Variants in UMAD1 observed in about 807,000 individuals in gnomAD.
UMAD1 encodes UBAP1-MVB12-associated (UMA) domain containing 1, also known as UBAP1-MVB12-associated (UMA)-domain containing protein 1.
A neutral mutation model predicts 6.1 loss-of-function variants in UMAD1; 8 were observed. That is an observed-to-expected ratio of 1.30 (90% CI 0.76 to 2.35). UMAD1 has a LOEUF of 2.35. Among genes scored for constraint, UMAD1 ranks in the 30% most tolerant of loss-of-function variants. The pLI, the probability that UMAD1 is intolerant of heterozygous loss-of-function variation, is 0.00. For missense variants in UMAD1, 130 were observed against 78.4 expected (o/e 1.66, Z -2.49); for synonymous variants, 56 against 31.4 (o/e 1.78, Z -2.61).
chr7:7,807,947 A>G (rs1002445737), intron 3 of UMAD1, among the ~76,000 whole-genome samples: 3 of 152,046 alleles, frequency 2.0e-5, no homozygotes, highest in African/African-American at 7.2e-5. Context: ...AAAATAGGGT[A>G]ACTTTAGGAG....
rs921136686 is a variant in UMAD1, at chr7:7,870,129, A to G, written c.157-7152A>G. On this transcript the variant is annotated intron_variant, in intron 3 of 3. Coordinates refer to ENST00000682710, the MANE Select transcript of UMAD1 (RefSeq NM_001302348.2). ...CAATTTTTTAACAGGTTAACTGATG[A>G]ACAAGAAATAGTTTTTATACAAACA... Among the ~76,000 whole-genome samples the G allele has an allele frequency of 7.2e-5, 11 of 152,240 alleles. 1 individual carries two copies. In the South Asian group the frequency reaches 2.1e-3, roughly 29 times the overall value.
intron 2 of UMAD1, among the ~76,000 whole-genome samples, chr7:7,800,687 A>T (rs1477304733): frequency 6.6e-6 from 1 of 152,200 alleles, no homozygotes; most frequent in East Asian, 1.9e-4. Flanking sequence ...CTTTTCCTTG[A>T]TTATAGCCAT....
At chr7:7,780,748 T>C (rs1360867930) in intron 2 of UMAD1, among the ~76,000 whole-genome samples, 1 of 152,218 alleles carries the variant, frequency 6.6e-6, no homozygotes, top group Non-Finnish European at 1.5e-5. Context: ...CTTCTTTCAC[T>C]AAAGATTATG....
chr7:7,693,313 A>ATCTATCTATCTC (rs1402392363), intron 2 of UMAD1, among the ~76,000 whole-genome samples: 1 of 151,826 alleles, frequency 6.6e-6, no homozygotes. Context: ...CTATCTATCT[A>ATCTATCTATCTC]TCTATCTATC....
At chr7:7,749,450 A>T (rs964179376) in intron 2 of UMAD1, among the ~76,000 whole-genome samples, 1 of 152,198 alleles carries the variant, frequency 6.6e-6, no homozygotes, top group South Asian at 2.1e-4. Context: ...GAGGAACATT[A>T]GTTAATGCCT....
Position 7,738,466 on chromosome 7 carries a change from A to G in UMAD1, c.83-63204A>G, listed in dbSNP as rs1175021734. On this transcript the variant is annotated intron_variant, in intron 2 of 3. Transcript: ENST00000682710. ...GACTATTGTTCAAAGTTGTTGGACT[A>G]AGTTGTTGCATTAATATAAAAGTTT... 4 of 152,246 alleles carry G rather than the reference A, an allele frequency of 2.6e-5. No individual in the cohort carries two copies. In the East Asian group the frequency reaches 7.7e-4, roughly 29 times the overall value. The allele number at this position is 152,246 out of a possible 1,614,324, so 9.4% of individuals were successfully genotyped here. A position where few individuals can be genotyped will look rare whatever the true frequency, so the allele number is the denominator to read the frequency against.
chr7:7,745,063 A>G (rs984428551), intron 2 of UMAD1, among the ~76,000 whole-genome samples: 1 of 152,252 alleles, frequency 6.6e-6, no homozygotes, highest in Non-Finnish European at 1.5e-5. Flanking sequence ...TTTATATACT[A>G]TATTCTTACC....
chr7:7,741,277 A>G (rs574039309), intron 2 of UMAD1, among the ~76,000 whole-genome samples: 9 of 152,052 alleles, frequency 5.9e-5, no homozygotes, highest in African/African-American at 2.2e-4. Flanking sequence ...AGTCTCAAAA[A>G]AAAAAAGACT....
At chr7:7,642,705 A>G (rs1345422751) in intron 1 of UMAD1, among the ~76,000 whole-genome samples, 2 of 152,172 alleles carry the variant, frequency 1.3e-5, no homozygotes, top group Non-Finnish European at 2.9e-5. Context: ...GAGAAATGAA[A>G]TGAATCCATG....
At chr7:7,829,839 C>G (rs959663665) in intron 3 of UMAD1, among the ~76,000 whole-genome samples, 1 of 152,218 alleles carries the variant, frequency 6.6e-6, no homozygotes, top group East Asian at 1.9e-4. Flanking sequence ...AGGCAAGGCA[C>G]CCTCAAGTCA....
At chr7:7,674,659 G>A (rs1486150728) in intron 2 of UMAD1, among the ~76,000 whole-genome samples, 1 of 152,144 alleles carries the variant, frequency 6.6e-6, no homozygotes, top group African/African-American at 2.4e-5. Flanking sequence ...AGGGTGCAGT[G>A]GACTTAATTG....
At chr7:7,797,546 C>A (rs997256806) in intron 2 of UMAD1, among the ~76,000 whole-genome samples, 18 of 152,158 alleles carry the variant, frequency 1.2e-4, no homozygotes, top group African/African-American at 3.9e-4. Context: ...AAATTTCTGT[C>A]CTGTCCAATT....
chr7:7,642,457 C>G, intron 1 of UMAD1, among the ~76,000 whole-genome samples: 1 of 117,236 alleles, frequency 8.5e-6, no homozygotes, highest in Non-Finnish European at 1.8e-5. Flanking sequence ...TGGTGCGTAC[C>G]CTGTAATAGT....
intron 3 of UMAD1, among the ~76,000 whole-genome samples, chr7:7,844,321 C>T (rs1047764487): frequency 6.6e-6 from 1 of 152,104 alleles, no homozygotes; most frequent in Non-Finnish European, 1.5e-5. Flanking sequence ...TTTCAACAGC[C>T]TCTTTGCCGC....
intron 3 of UMAD1, among the ~76,000 whole-genome samples, chr7:7,876,067 C>T (rs1784413012): frequency 6.6e-6 from 1 of 152,094 alleles, no homozygotes; most frequent in Admixed American, 6.6e-5. Flanking sequence ...AAATAACAAA[C>T]AAAAACCACG....
At chr7:7,847,984 C>T (rs901481231) in intron 3 of UMAD1, among the ~76,000 whole-genome samples, 1 of 152,060 alleles carries the variant, frequency 6.6e-6, no homozygotes, top group South Asian at 2.1e-4. Flanking sequence ...TTTGATGTAT[C>T]GAACCAATAT....
chr7:7,684,562 A>C (rs937676305), intron 2 of UMAD1, among the ~76,000 whole-genome samples: 5 of 152,020 alleles, frequency 3.3e-5, no homozygotes, highest in African/African-American at 1.2e-4. Flanking sequence ...GGTTGAATCC[A>C]CCCATGAGGA....
chr7:7,756,196 A>G (rs1583801874), intron 2 of UMAD1, among the ~76,000 whole-genome samples: 1 of 152,198 alleles, frequency 6.6e-6, no homozygotes, highest in Non-Finnish European at 1.5e-5. Flanking sequence ...TCTGTGGAAG[A>G]TCAGGCAAGT....
At chr7:7,744,551 G>C (rs1483340554) in intron 2 of UMAD1, among the ~76,000 whole-genome samples, 1 of 151,352 alleles carries the variant, frequency 6.6e-6, no homozygotes, top group Non-Finnish European at 1.5e-5. Flanking sequence ...CTGTGTACAA[G>C]GGTTCTCATT....
Sources: allele counts gnomAD v4.1 joint callset (sites outside exome capture counted in the v4.1 genomes callset), GRCh38; gene constraint gnomAD v4.1.1; transcripts MANE v1.5; gene names NCBI Gene and HGNC (gene_info 2026-07-23, HGNC 2026-07-21).